The following CD274 variants were observed in gnomAD, a reference collection of about 807,000 sequenced individuals.
CD274 encodes the protein CD274 molecule.
Under a neutral mutation model 30.1 loss-of-function variants are expected in CD274, and 8 were observed. The observed-to-expected ratio is 0.27, with a 90% confidence interval of 0.16 to 0.48. The LOEUF is 0.48. Ranked by LOEUF, CD274 falls within the 20% of genes least tolerant of loss-of-function variation. The probability of loss-of-function intolerance (pLI) is 0.99; values close to 1 mark genes in which losing one functional copy is unlikely to be tolerated. For missense variants in CD274, 353 were observed against 346.6 expected, an observed-to-expected ratio of 1.02 and a Z score of -0.15; for synonymous variants, 152 against 124.6, an observed-to-expected ratio of 1.22 and a Z score of -1.46.
intron 5 of CD274, 152 bp from the exon 6 acceptor site, chr9:5,466,618 A>C (rs74725413): frequency 0.017 from 10,196 of 589,672 alleles, 132 homozygotes; most frequent in South Asian, 0.027. Flanking sequence ...TGAATTAATT[A>C]ACCTCATAAG....
intron 3 of CD274, among the ~76,000 whole-genome samples, chr9:5,462,379 C>T (rs558641705): frequency 2.6e-5 from 4 of 152,096 alleles, no homozygotes; most frequent in Non-Finnish European, 5.9e-5. Context: ...AGAAGAAGCA[C>T]TTTACTGAGA....
chr9:5,457,052 C>T (rs2131210704), intron 2 of CD274, 27 bp from the exon 3 acceptor site: 1 of 1,514,894 alleles, frequency 6.6e-7, no homozygotes, highest in Non-Finnish European at 9.0e-7. Flanking sequence ...TTTCCCTTTT[C>T]TGAAGATTGT....
rs1471394287 is a variant in CD274, at chr9:5,465,565, G to T, written c.749G>T (p.Cys250Phe). The change falls in exon 5 of 7, where the codon TGC becomes TTC. Residue 250 changes from cysteine to phenylalanine, a missense_variant. Transcript: ENST00000381577. ...HLVILGAILL[C>F]LGVALTFIFR... ...GTAATTCTGGGAGCCATCTTATTAT[G>T]CCTTGGTGTAGCACTGACATTCATC... 1 of 1,610,620 alleles carries T rather than the reference G, an allele frequency of 6.2e-7. No homozygotes were observed. The highest frequency in any genetic ancestry group is 1.1e-5 in the South Asian group (1 of 90,996).
chr9:5,462,824 T>A lies in CD274; in HGVS notation c.395-10T>A, dbSNP rs1819427933. ...GCAAAAGCCCTGACTTCTTTTTGTT[T>A]ATGTCCTAGCCCCATACAACAAAAT... On this transcript the variant is annotated splice_polypyrimidine_tract_variant and intron_variant, in intron 3 of 6. Transcript: ENST00000381577. The A allele has an allele frequency of 6.2e-7, 1 of 1,607,340 alleles. No homozygotes were observed. Among genetic ancestry groups the A allele is most frequent in the Non-Finnish European group, 8.5e-7 (1 of 1,175,148 alleles).
At position 5,467,883 on chromosome 9, in the gene CD274, T is replaced by C. The variant is rs746654780; in HGVS notation, c.*21T>C. 2.5e-6 allele frequency: 4 copies of C among 1,602,950 alleles called. No homozygotes were observed. The highest frequency in any genetic ancestry group is 3.4e-6 in the Non-Finnish European group (4 of 1,169,826). ...CGTAATCCAGCATTGGAACTTCTGA[T>C]CTTCAAGCAGGGATTCTCAACCTGT... On this transcript the variant is annotated 3_prime_UTR_variant, in exon 7 of 7. Transcript: ENST00000381577.
At chr9:5,463,190 C>A (rs1245073246) in intron 4 of CD274, 69 bp downstream of exon 4, 2 of 1,155,968 alleles carry the variant, frequency 1.7e-6, no homozygotes, top group Non-Finnish European at 2.6e-6. Flanking sequence ...TGATGTCTGC[C>A]TATCATAGTC....
At chr9:5,450,941 C>G (rs1480831462) in intron 1 of CD274, among the ~76,000 whole-genome samples, 1 of 152,146 alleles carries the variant, frequency 6.6e-6, no homozygotes, top group Non-Finnish European at 1.5e-5. Flanking sequence ...GGACACGGGT[C>G]CAAGTCCACC....
At chr9:5,458,012 A>G (rs1224646289) in intron 3 of CD274, among the ~76,000 whole-genome samples, 2 of 152,252 alleles carry the variant, frequency 1.3e-5, no homozygotes, top group Non-Finnish European at 2.9e-5. Flanking sequence ...TTAAGTGTGA[A>G]AGAACCTATT....
chr9:5,453,183 A>G (rs1178091485), intron 1 of CD274, among the ~76,000 whole-genome samples: 1 of 152,184 alleles, frequency 6.6e-6, no homozygotes, highest in Non-Finnish European at 1.5e-5. Context: ...AGAAATAAAA[A>G]AATAGGTACC....
At chr9:5,463,966 C>T (rs573542955) in intron 4 of CD274, among the ~76,000 whole-genome samples, 5 of 152,146 alleles carry the variant, frequency 3.3e-5, no homozygotes, top group East Asian at 3.9e-4. Context: ...AATATAAACA[C>T]AAAGATATTC....
rs754998914 is a variant in CD274 at position 5,457,101 on chromosome 9, G to A, written c.75G>A (p.Lys25=). 6 of 1,605,442 alleles carry A rather than the reference G, an allele frequency of 3.7e-6. No individual in the cohort carries two copies. The South Asian group carries it at 6.6e-5, about 18-fold the overall frequency. ...LLNAFTVTVP[K]DLYVVEYGSN... ...TAGCATTTACTGTCACGGTTCCCAA[G>A]GACCTATATGTGGTAGAGTATGGTA... The change falls in exon 3 of 7, where the codon AAG becomes AAA. Residue 25 remains lysine, a synonymous_variant. Coordinates refer to ENST00000381577, the MANE Select transcript of CD274 (RefSeq NM_014143.4).
chr9:5,462,896 C>T lies in CD274; in HGVS notation c.457C>T (p.Leu153=), dbSNP rs769060913. Reference sequence around the variant, plus strand: ...GGATCCAGTCACCTCTGAACATGAACTGACATGTCAGGCTGAGGGCTACCC... The same window carrying T: ...GGATCCAGTCACCTCTGAACATGAATTGACATGTCAGGCTGAGGGCTACCC... ...VVDPVTSEHE[L]TCQAEGYPKA... is the part of the protein sequence containing the mutation. Residue 153 remains leucine, a synonymous_variant, in exon 4 of 7, where the codon CTG becomes TTG. Coordinates refer to ENST00000381577, the MANE Select transcript of CD274 (RefSeq NM_014143.4). 1.9e-6 allele frequency: 3 copies of T among 1,614,018 alleles called. No homozygotes were observed. Among genetic ancestry groups the T allele is most frequent in the South Asian group, 2.2e-5 (2 of 91,074 alleles).
intron 3 of CD274, among the ~76,000 whole-genome samples, chr9:5,461,124 G>A (rs1819396332): frequency 6.6e-6 from 1 of 152,098 alleles, no homozygotes; most frequent in African/African-American, 2.4e-5. Flanking sequence ...AAAGGTGGAT[G>A]GTGTCAATAA....
At position 5,465,590 on chromosome 9, in the gene CD274, C is replaced by G. The variant is rs760272527; in HGVS notation, c.774C>G (p.Ile258Met). ...GCCTTGGTGTAGCACTGACATTCAT[C>G]TTCCGTTTAAGAAAAGGTAGTATTT... The part of the protein sequence containing the change: ...LLCLGVALTF[I>M]FRLRKGRMMD... Residue 258 changes from isoleucine to methionine, a missense_variant, in exon 5 of 7, where the codon ATC (isoleucine) becomes ATG (methionine). By Grantham distance (10) the Ile-to-Met change is conservative. Transcript: ENST00000381577. 1 of 1,595,472 alleles carries G rather than the reference C, an allele frequency of 6.3e-7. No individual in the cohort carries two copies. The highest frequency in any genetic ancestry group is 1.1e-5 in the South Asian group (1 of 90,656).
At chr9:5,458,648 A>G (rs1220228390) in intron 3 of CD274, among the ~76,000 whole-genome samples, 4 of 152,160 alleles carry the variant, frequency 2.6e-5, no homozygotes, top group Non-Finnish European at 5.9e-5. Flanking sequence ...AAACAAAATC[A>G]TGTGGGGATT....
intron 1 of CD274, among the ~76,000 whole-genome samples, chr9:5,451,558 A>G (rs1467763610): frequency 6.6e-6 from 1 of 152,238 alleles, no homozygotes; most frequent in Non-Finnish European, 1.5e-5. Flanking sequence ...TGACAATGAC[A>G]GTCGTCAACA....
Position 5,469,815 on chromosome 9 carries a change from T to A in CD274, c.*1953T>A, listed in dbSNP as rs920870529. ...TCCAGGGTGCACTGAGTCAATCTAG[T>A]CCTAAAAAGCAATCTTATTATTAAC... is the stretch of plus-strand genomic sequence containing the variant. On this transcript the variant is annotated 3_prime_UTR_variant, in exon 7 of 7. Coordinates refer to ENST00000381577, the MANE Select transcript of CD274 (RefSeq NM_014143.4). 1.7e-5 allele frequency: 4 copies of A among 232,934 alleles called. No individual in the cohort carries two copies. The highest frequency in any genetic ancestry group is 8.8e-5 in the African/African-American group (4 of 45,334). 14.4% of individuals were successfully genotyped at this position (232,934 alleles called of 1,614,324 possible).
chr9:5,462,465 C>G (rs1377864206), intron 3 of CD274, among the ~76,000 whole-genome samples: 1 of 152,160 alleles, frequency 6.6e-6, no homozygotes, highest in Non-Finnish European at 1.5e-5. Flanking sequence ...AAAGATAATT[C>G]TCTTTAAATT....
intron 2 of CD274, among the ~76,000 whole-genome samples, chr9:5,456,723 G>T (rs2131210043): frequency 6.6e-6 from 1 of 152,336 alleles, no homozygotes; most frequent in Middle Eastern, 3.4e-3. Context: ...TATGTAGGAA[G>T]CAAATAGGTG....
Sources: allele counts gnomAD v4.1 joint callset (sites outside exome capture counted in the v4.1 genomes callset), GRCh38; gene constraint gnomAD v4.1.1; transcripts MANE v1.5; gene names NCBI Gene and HGNC (gene_info 2026-07-23, HGNC 2026-07-21).